The following USP32 variants were observed in gnomAD, a reference collection of about 807,000 sequenced individuals.
USP32 encodes ubiquitin carboxyl-terminal hydrolase 32.
A neutral mutation model predicts 204.8 loss-of-function variants in USP32; 59 were observed. That is an observed-to-expected ratio of 0.29 (90% CI 0.23 to 0.36). USP32 has a LOEUF of 0.36. Among genes scored for constraint, USP32 ranks in the 10% least tolerant of loss-of-function variants. USP32 has a pLI of 1.00. For synonymous variants in USP32, 517 were observed against 678.4 expected (o/e 0.76, Z 3.70); for missense variants, 1,160 against 1,946.4 (o/e 0.60, Z 7.60).
intron 12 of USP32, 96 bp from the exon 13 acceptor site, chr17:60,226,327 G>T: frequency 8.6e-7 from 1 of 1,157,316 alleles, no homozygotes; most frequent in Non-Finnish European, 1.2e-6. Context: ...ATTTTTTTAA[G>T]TCTCCTGTGG....
At chr17:60,350,513 T>G (rs1345452249) in intron 1 of USP32, among the ~76,000 whole-genome samples, 1 of 152,204 alleles carries the variant, frequency 6.6e-6, no homozygotes, top group Non-Finnish European at 1.5e-5. Flanking sequence ...GGTCTCAAAC[T>G]CCTGACCTCA....
At chr17:60,349,596 A>AAAAATATATATAT (rs1555618242) in intron 1 of USP32, among the ~76,000 whole-genome samples, 1 of 65,202 alleles carries the variant, frequency 1.5e-5, no homozygotes, top group Non-Finnish European at 2.5e-5. Context: ...AAAAAAAAAA[A>AAAAATATATATAT]ATATATATAT....
chr17:60,288,820 C>G, intron 4 of USP32, 138 bp from the exon 5 acceptor site: 1 of 685,328 alleles, frequency 1.5e-6, no homozygotes, highest in Non-Finnish European at 2.4e-6. Flanking sequence ...AATAACACTG[C>G]AGGGTGTATA....
intron 2 of USP32, among the ~76,000 whole-genome samples, chr17:60,344,341 G>A (rs1156497722): frequency 6.6e-6 from 1 of 152,022 alleles, no homozygotes; most frequent in Non-Finnish European, 1.5e-5. Flanking sequence ...TGTTGGCCAG[G>A]CTGGTCTCGA....
At chr17:60,368,801 G>C (rs992595881) in intron 1 of USP32, among the ~76,000 whole-genome samples, 51 of 151,936 alleles carry the variant, frequency 3.4e-4, no homozygotes, top group African/African-American at 1.2e-3. Flanking sequence ...ATACATATAA[G>C]CGAAAGTGTA....
intron 11 of USP32, among the ~76,000 whole-genome samples, chr17:60,240,576 A>ATT (rs769332343): frequency 6.6e-6 from 1 of 152,152 alleles, no homozygotes; most frequent in Non-Finnish European, 1.5e-5. Context: ...GTGCTGGGGC[A>ATT]TTCCTACAAT....
chr17:60,356,426 A>T (rs899524893), intron 1 of USP32, among the ~76,000 whole-genome samples: 1 of 152,128 alleles, frequency 6.6e-6, no homozygotes, highest in Non-Finnish European at 1.5e-5. Context: ...CCTCCACACA[A>T]GCAGGAAGTG....
intron 1 of USP32, among the ~76,000 whole-genome samples, chr17:60,379,000 C>T (rs1431872855): frequency 2.0e-5 from 3 of 152,118 alleles, no homozygotes; most frequent in Admixed American, 6.5e-5. Flanking sequence ...TATGTACATA[C>T]CTGAGTTTGT....
At chr17:60,337,945 T>C (rs2088562483) in intron 2 of USP32, among the ~76,000 whole-genome samples, 1 of 152,124 alleles carries the variant, frequency 6.6e-6, no homozygotes, top group East Asian at 1.9e-4. Flanking sequence ...CATTATCTAA[T>C]AAAATGTTGT....
At position 60,269,568 on chromosome 17, in the gene USP32, G is replaced by C. The variant is rs775134244; in HGVS notation, c.704-11C>G. 2 of 1,583,766 alleles carry C rather than the reference G, an allele frequency of 1.3e-6. No homozygotes were observed. The highest frequency in any genetic ancestry group is 2.3e-5 in the South Asian group (2 of 86,546). On this transcript the variant is annotated splice_polypyrimidine_tract_variant and intron_variant, in intron 6 of 33. Coordinates refer to ENST00000300896, the MANE Select transcript of USP32 (RefSeq NM_032582.4). The stretch of plus-strand genomic sequence containing the variant: ...AAGCATTAAACAAACCTGTAAAATA[G>C]GAAGAGATGCCATAAATCACAGCCA...
intron 5 of USP32, among the ~76,000 whole-genome samples, chr17:60,287,064 C>T (rs1358085130): frequency 6.6e-6 from 1 of 152,186 alleles, no homozygotes; most frequent in East Asian, 1.9e-4. Flanking sequence ...GCAGAAGAAT[C>T]GCTTGAACCT....
chr17:60,383,277 G>A (rs7220326), intron 1 of USP32, among the ~76,000 whole-genome samples: 5,240 of 149,842 alleles, frequency 0.035, 303 homozygotes, highest in African/African-American at 0.12. Flanking sequence ...CTTTTTAAAA[G>A]CTGCTGAAAG....
Position 60,288,681 on chromosome 17 carries a change from C to T in USP32, c.413G>A (p.Gly138Asp), listed in dbSNP as rs766172179. ...AAACTTTTCATAGTTTACCTTTTCA[C>T]CCTAAAATTAAAACAAGAAAACATA... ...PDTLRKCFSE[G>D]EKVNYEKFRN... Residue 138 changes from glycine to aspartate, a missense_variant and splice_region_variant, in exon 5 of 34, where the codon GGT (glycine) becomes GAT (aspartate). By Grantham distance (94) the Gly-to-Asp change is moderately conservative. This residue lies in a region of USP32 where 536 missense variants were observed against 680.9 expected (regional missense o/e 0.79). Transcript: ENST00000300896. The T allele has an allele frequency of 6.3e-7, 1 of 1,595,886 alleles. No homozygotes were observed. The highest frequency in any genetic ancestry group is 1.1e-5 in the South Asian group (1 of 88,602).
intron 1 of USP32, among the ~76,000 whole-genome samples, chr17:60,374,900 T>C (rs1416109771): frequency 1.3e-5 from 2 of 152,212 alleles, no homozygotes; most frequent in Non-Finnish European, 2.9e-5. Context: ...TGTATAGGTA[T>C]GTATAACATG....
rs1201414632 is a variant in USP32, at chr17:60,388,278, C to T, written c.58+3604G>A. On this transcript the variant is annotated intron_variant, in intron 1 of 33. Coordinates refer to ENST00000300896, the MANE Select transcript of USP32 (RefSeq NM_032582.4). ...TTAAAAGTTAAGAATCATTTTAATT[C>T]AGCCGATTCTTACACACACACACAC... 3.3e-5 allele frequency among the ~76,000 whole-genome samples: 4 copies of T among 119,768 alleles called. No individual in the cohort carries two copies. The East Asian group carries it at 8.6e-4, about 26-fold the overall frequency. 78.6% of individuals were successfully genotyped at this position (119,768 alleles called of 152,430 possible). A position where few individuals can be genotyped will look rare whatever the true frequency, so the allele number is the denominator to read the frequency against.
At position 60,183,471 on chromosome 17, in the gene USP32, G is replaced by A. The variant is rs199835526; in HGVS notation, c.3835-18C>T. The A allele has an allele frequency of 5.7e-6, 9 of 1,571,172 alleles. No individual in the cohort carries two copies. The highest frequency in any genetic ancestry group is 7.8e-6 in the Non-Finnish European group (9 of 1,158,350). ...TGAATAATCTGGAGAAGTAAAGGTAGAAAACATCTGCATTAAAGGGTTCTG... is the reference window on the plus strand; with the variant it reads ...TGAATAATCTGGAGAAGTAAAGGTAAAAAACATCTGCATTAAAGGGTTCTG... On this transcript the variant is annotated intron_variant, in intron 30 of 33. Coordinates refer to ENST00000300896, the MANE Select transcript of USP32 (RefSeq NM_032582.4).
chr17:60,277,318 A>C (rs2086863328), intron 5 of USP32, among the ~76,000 whole-genome samples: 1 of 152,222 alleles, frequency 6.6e-6, no homozygotes, highest in Non-Finnish European at 1.5e-5. Context: ...CTCATCAAAA[A>C]GGCCAGGCAC....
chr17:60,203,513 G>A (rs34799455), intron 26 of USP32, among the ~76,000 whole-genome samples: 58 of 149,890 alleles, frequency 3.9e-4, no homozygotes, highest in Admixed American at 6.0e-4. Context: ...TTACAATTTC[G>A]TTTTCTCTTG....
In USP32 at chr17:60,179,100, T is replaced by A. The variant is rs1361821036; in HGVS notation, c.*155A>T. 5.8e-6 allele frequency: 5 copies of A among 861,148 alleles called. No homozygotes were observed. The highest frequency in any genetic ancestry group is 8.6e-6 in the Non-Finnish European group (5 of 581,718). The allele number at this position is 861,148 out of a possible 1,614,324, so 53.3% of individuals were successfully genotyped here. A position where few individuals can be genotyped will look rare whatever the true frequency, so the allele number is the denominator to read the frequency against. On this transcript the variant is annotated 3_prime_UTR_variant, in exon 34 of 34. Coordinates refer to ENST00000300896, the MANE Select transcript of USP32 (RefSeq NM_032582.4). ...AATAAAATGATTACTACTCTTAAAG[T>A]TAACTATTTTAATTAGAATTTTTAT...
Sources: gnomAD v4.1 joint callset for allele counts (sites outside exome capture counted in the v4.1 genomes callset) on GRCh38, gnomAD v4.1.1 for gene constraint, gnomAD v4.1.1 regional missense constraint, MANE v1.5 for transcripts, NCBI Gene and HGNC (gene_info 2026-07-23, HGNC 2026-07-21) for gene names.